Variants in PTPN3 observed in about 807,000 individuals in gnomAD.
PTPN3 encodes the protein tyrosine-protein phosphatase non-receptor type 3.
In PTPN3, 96 loss-of-function variants were observed where a neutral mutation model predicts 132.7. The ratio of observed to expected loss-of-function variants is 0.72; its 90% CI spans 0.61 to 0.86. The LOEUF (loss-of-function observed/expected upper bound fraction) is 0.86, where lower values mean the gene tolerates loss of function less well. PTPN3 is among the 40% of genes least tolerant of loss of function. The probability of loss-of-function intolerance (pLI) is 0.00; values close to 1 mark genes in which losing one functional copy is unlikely to be tolerated. For synonymous variants in PTPN3, 398 were observed against 429.0 expected (o/e 0.93, Z 0.89); for missense variants, 1,125 against 1,159.6 (o/e 0.97, Z 0.43).
chr9:109,507,309 C>T, the PTPN3 span, among the ~76,000 whole-genome samples: 21 of 152,344 alleles, frequency 1.4e-4, no homozygotes, highest in East Asian at 3.5e-3. Flanking sequence ...TCCAACTGGT[C>T]AGCCCTCTGC....
At chr9:109,503,712 CAA>C in the PTPN3 span, among the ~76,000 whole-genome samples, 5 of 122,838 alleles carry the variant, frequency 4.1e-5, no homozygotes, top group Admixed American at 8.3e-5. Flanking sequence ...GACTCCATCT[CAA>C]AAAAAAAAAA....
the PTPN3 span, among the ~76,000 whole-genome samples, chr9:109,517,634 G>C: frequency 6.6e-6 from 1 of 152,196 alleles, no homozygotes; most frequent in Non-Finnish European, 1.5e-5. Context: ...CTGGGTTGGA[G>C]CCCAGGAAGT....
upstream of PTPN3, among the ~76,000 whole-genome samples, chr9:109,499,140 G>T (rs1211738871): frequency 3.1e-5 from 4 of 127,466 alleles, no homozygotes; most frequent in Admixed American, 3.0e-4. Context: ...GGGGAAAGAG[G>T]GACAGGTAAC....
At chr9:109,413,074 T>C (rs1048644163) in intron 14 of PTPN3, among the ~76,000 whole-genome samples, 2 of 152,004 alleles carry the variant, frequency 1.3e-5, no homozygotes, top group African/African-American at 2.4e-5. Flanking sequence ...GTCTCCCATG[T>C]AGCTGGGACT....
chr9:109,408,377 C>T lies in PTPN3; in HGVS notation c.1579G>A (p.Gly527Arg), dbSNP rs780929393. The part of the protein sequence containing the change: ...EDGKFGFNLK[G>R]GVDQKMPLVV... ...AGAGGCATCTTTTGATCCACTCCTC[C>T]CTGTAAACATTTTAAAATAAAAACA... is the stretch of plus-strand genomic sequence containing the variant. Residue 527 changes from glycine to arginine, a missense_variant and splice_region_variant, in exon 17 of 26, where the codon GGA (glycine) becomes AGA (arginine). Physicochemically the swap from Gly to Arg is moderately radical, Grantham distance 125. Transcript: ENST00000374541. 2 of 1,579,562 alleles carry T rather than the reference C, an allele frequency of 1.3e-6. No individual in the cohort carries two copies. Among genetic ancestry groups the T allele is most frequent in the Non-Finnish European group, 1.7e-6 (2 of 1,160,100 alleles).
In PTPN3 at chr9:109,381,704, A is replaced by C. The variant is rs1054234573; in HGVS notation, c.2612T>G (p.Leu871Arg). The change falls in exon 25 of 26, where the codon CTG (leucine) becomes CGG (arginine). Residue 871 changes from leucine (L) to arginine (R), a missense_variant. Physicochemically the swap from Leu to Arg is moderately radical, Grantham distance 102. Coordinates refer to ENST00000374541, the MANE Select transcript of PTPN3 (RefSeq NM_002829.4). Reference protein sequence around the residue: ...LTERNLPIYPLDIVRKMRDQR... With the variant: ...LTERNLPIYPRDIVRKMRDQR... Reference sequence around the variant, plus strand: ...GTCTCGCATTTTTCGGACAATATCCAGTGGGTAAATGGGCAGGTTCCTCTC... The same window carrying C: ...GTCTCGCATTTTTCGGACAATATCCCGTGGGTAAATGGGCAGGTTCCTCTC... 13 of 1,614,064 alleles carry C rather than the reference A, an allele frequency of 8.1e-6. No individual in the cohort carries two copies. Among genetic ancestry groups the C allele is most frequent in the African/African-American group, 1.3e-5 (1 of 74,946 alleles).
In PTPN3 at chr9:109,408,307, A is replaced by T; in HGVS notation, c.1635+14T>A. The T allele has an allele frequency of 1.3e-6, 2 of 1,535,688 alleles. No homozygotes were observed. The highest frequency in any genetic ancestry group is 1.8e-6 in the Non-Finnish European group (2 of 1,130,422). ...AAACAAACACGAGGAATAACATGGAATGTATTTACTTACAGGTGACTCTGG... is the reference window on the plus strand; with the variant it reads ...AAACAAACACGAGGAATAACATGGATTGTATTTACTTACAGGTGACTCTGG... On this transcript the variant is annotated intron_variant, in intron 17 of 25. Coordinates refer to ENST00000374541, the MANE Select transcript of PTPN3 (RefSeq NM_002829.4).
chr9:109,405,331 G>C (rs1841477883), intron 18 of PTPN3, among the ~76,000 whole-genome samples: 1 of 152,222 alleles, frequency 6.6e-6, no homozygotes, highest in Non-Finnish European at 1.5e-5. Flanking sequence ...GAGAGTTGCA[G>C]TGGGAGCAGA....
At chr9:109,418,191 G>A (rs1842660489) in intron 14 of PTPN3, among the ~76,000 whole-genome samples, 1 of 152,228 alleles carries the variant, frequency 6.6e-6, no homozygotes, top group South Asian at 2.1e-4. Context: ...AGCGTAGGCT[G>A]ATAATGTGCT....
At chr9:109,465,445 T>C (rs1846051474) in intron 1 of PTPN3, among the ~76,000 whole-genome samples, 1 of 152,026 alleles carries the variant, frequency 6.6e-6, no homozygotes, top group African/African-American at 2.4e-5. Context: ...CATGGTGGCA[T>C]GCACCTCTAA....
intron 1 of PTPN3, among the ~76,000 whole-genome samples, chr9:109,494,806 A>G (rs551182893): frequency 1.7e-4 from 26 of 152,168 alleles, no homozygotes; most frequent in Admixed American, 2.6e-4. Flanking sequence ...TTCAGCGTTC[A>G]CCTCTGTAGC....
chr9:109,487,475 C>T (rs965981689), intron 1 of PTPN3, among the ~76,000 whole-genome samples: 3 of 152,242 alleles, frequency 2.0e-5, no homozygotes, highest in South Asian at 2.1e-4. Flanking sequence ...GCAAACCTTC[C>T]GGCCTCACCA....
In PTPN3 at chr9:109,427,117, T is replaced by A. The variant is rs376928867; in HGVS notation, c.834A>T (p.Glu278Asp). Reference sequence around the variant, plus strand: ...TGAAGGCCACAATATGTTCCCTGGATTCAGCCTGGGAGGAAAAACAGTCAA... The same window carrying A: ...TGAAGGCCACAATATGTTCCCTGGAATCAGCCTGGGAGGAAAAACAGTCAA... The part of the protein sequence containing the change: ...FFIHQRQKQA[E>D]SREHIVAFNM... The change falls in exon 12 of 26, where the codon GAA becomes GAT. Residue 278 changes from glutamate (E) to aspartate (D), a missense_variant. By Grantham distance (45) the Glu-to-Asp change is conservative. Coordinates refer to ENST00000374541, the MANE Select transcript of PTPN3 (RefSeq NM_002829.4). The A allele has an allele frequency of 1.3e-5, 21 of 1,613,886 alleles. No homozygotes were observed. In the East Asian group the frequency reaches 1.3e-4, roughly 10 times the overall value.
At chr9:109,484,655 G>T (rs996934008) in intron 1 of PTPN3, among the ~76,000 whole-genome samples, 3 of 152,194 alleles carry the variant, frequency 2.0e-5, no homozygotes, top group African/African-American at 7.2e-5. Flanking sequence ...CAGGAGGGTA[G>T]TGAGGTTTCT....
At chr9:109,422,910 C>G in intron 12 of PTPN3, 58 bp from the exon 13 acceptor site, 1 of 1,570,764 alleles carries the variant, frequency 6.4e-7, no homozygotes, top group Non-Finnish European at 8.7e-7. Context: ...AAAGAAATTA[C>G]TGCATGTGTG....
chr9:109,476,892 C>T lies in PTPN3; in HGVS notation c.-17-13441G>A, dbSNP rs13340704. ...TCTCAGTCCCTGGGCCATTCCCTTT[C>T]CTGTTTCTGGGCTTCCTGTGCTACA... On this transcript the variant is annotated intron_variant, in intron 1 of 25. Transcript: ENST00000374541. 6.6e-3 allele frequency among the ~76,000 whole-genome samples: 1,012 copies of T among 152,308 alleles called. 8 individuals carry two copies. The highest frequency in any genetic ancestry group is 0.023 in the African/African-American group (965 of 41,562).
chr9:109,397,864 G>T (rs1173431547), intron 19 of PTPN3: 2 of 152,282 alleles, frequency 1.3e-5, no homozygotes, highest in African/African-American at 2.4e-5. Context: ...TCATTCCAAA[G>T]CCCCCAGTTT....
At position 109,478,867 on chromosome 9, in the gene PTPN3, CAT is replaced by C. The variant is rs550021287; in HGVS notation, c.-17-15418_-17-15417del. 4.6e-5 allele frequency among the ~76,000 whole-genome samples: 7 copies of C among 152,234 alleles called. No individual in the cohort carries two copies. The South Asian group carries it at 8.3e-4, about 18-fold the overall frequency. On this transcript the variant is annotated intron_variant, in intron 1 of 25. Transcript: ENST00000374541. The stretch of plus-strand genomic sequence containing the variant: ...CCAGGCTTCGCCCATGAGGTTACCA[CAT>C]GTGTTTCTGAGGTGACCCAGCGGCA...
chr9:109,529,199 A>G, the PTPN3 span, among the ~76,000 whole-genome samples: 1 of 152,204 alleles, frequency 6.6e-6, no homozygotes, highest in Non-Finnish European at 1.5e-5. Context: ...CACATGAAGG[A>G]GGGAGAAGGG....
Sources: gnomAD v4.1 joint callset for allele counts (sites outside exome capture counted in the v4.1 genomes callset) on GRCh38, gnomAD v4.1.1 for gene constraint, MANE v1.5 for transcripts, NCBI Gene and HGNC (gene_info 2026-07-23, HGNC 2026-07-21) for gene names.